Variants in LYSMD4 observed in about 807,000 individuals in gnomAD.
LYSMD4 encodes the protein lysM and putative peptidoglycan-binding domain-containing protein 4.
A neutral mutation model predicts 6.1 loss-of-function variants in LYSMD4; 9 were observed. The observed-to-expected ratio is 1.47, with a 90% CI of 0.88 to 2.56. The LOEUF (loss-of-function observed/expected upper bound fraction) is 2.56. Ranked by LOEUF, LYSMD4 falls within the 30% of genes most tolerant of loss-of-function variation. The pLI, the probability that LYSMD4 is intolerant of heterozygous loss-of-function variation, is 0.00. For synonymous variants in LYSMD4, 143 were observed against 148.5 expected (o/e 0.96, Z 0.27); for missense variants, 384 against 373.5 (o/e 1.03, Z -0.23).
In LYSMD4 at chr15:99,729,208, C is replaced by T. The variant is rs1270983162; in HGVS notation, c.806G>A (p.Gly269Glu). Residue 269 changes from glycine (G) to glutamate (E), a missense_variant, in exon 3 of 3, where the codon GGG becomes GAG. Coordinates refer to ENST00000684762, the MANE Select transcript of LYSMD4 (RefSeq NM_001284417.2). ...TGCAACTGCTAGTCTGGGGGCTTGC[C>T]CTGGAACTGTACCCATTGCCATCGA... ...NGSMAMGTVP[G>E]QAPRLAVAVP... 1.2e-6 allele frequency: 2 copies of T among 1,614,044 alleles called. No individual in the cohort carries two copies. Among genetic ancestry groups the T allele is most frequent in the Non-Finnish European group, 8.5e-7 (1 of 1,180,042 alleles).
chr15:99,731,450 T>C, intron 2 of LYSMD4: 1 of 1,605,610 alleles, frequency 6.2e-7, no homozygotes, highest in Non-Finnish European at 8.5e-7. Flanking sequence ...GGTTTCAGAA[T>C]TTCAGTGTGG....
At chr15:99,719,048 A>G (rs560035990), upstream of LYSMD4, among the ~76,000 whole-genome samples, 1 of 152,308 alleles carries the variant, frequency 6.6e-6, no homozygotes, top group South Asian at 2.1e-4. Flanking sequence ...CCCAGCTCTT[A>G]TTATCTACAG....
At chr15:99,730,885 G>A (rs1360582243) in intron 2 of LYSMD4, among the ~76,000 whole-genome samples, 3 of 152,160 alleles carry the variant, frequency 2.0e-5, no homozygotes, top group Admixed American at 1.3e-4. Context: ...GCCTGCAGAA[G>A]CTGCTTATCG....
At chr15:99,727,046 C>A (rs1354332070), downstream of LYSMD4, among the ~76,000 whole-genome samples, 1 of 152,126 alleles carries the variant, frequency 6.6e-6, no homozygotes, top group Admixed American at 6.5e-5. Context: ...AGCAGCATCC[C>A]ACATCTTTTA....
In LYSMD4 at chr15:99,733,326, C is replaced by T. The variant is rs2059471156; in HGVS notation, c.-9+19G>A. 1 of 392,328 alleles carries T rather than the reference C, an allele frequency of 2.5e-6. No individual in the cohort carries two copies. The highest frequency in any genetic ancestry group is 1.3e-4 in the South Asian group (1 of 7,824). The allele number at this position is 392,328 out of a possible 1,614,324, so 24.3% of individuals were successfully genotyped here. A position where few individuals can be genotyped will look rare whatever the true frequency, so the allele number is the denominator to read the frequency against. ...GGCTCCCTAGCCAGACCGCGGCCCCCTCGTCCAGGCCCCGGTACCTCAGCG... is the reference window on the plus strand; with the variant it reads ...GGCTCCCTAGCCAGACCGCGGCCCCTTCGTCCAGGCCCCGGTACCTCAGCG... On this transcript the variant is annotated intron_variant, in intron 1 of 2. Transcript: ENST00000684762.
upstream of LYSMD4, among the ~76,000 whole-genome samples, chr15:99,720,371 A>G (rs1329781235): frequency 6.6e-6 from 1 of 152,162 alleles, no homozygotes; most frequent in Non-Finnish European, 1.5e-5. Context: ...CCATAATCCC[A>G]GCACTTTGGG....
Position 99,729,152 on chromosome 15 carries a change from A to G in LYSMD4, c.862T>C (p.Phe288Leu). 6.2e-7 allele frequency: 1 copy of G among 1,614,030 alleles called. No homozygotes were observed. Among genetic ancestry groups the G allele is most frequent in the Middle Eastern group, 1.6e-4 (1 of 6,062 alleles). ...VPAVTSADSQ[F>L]SQTTQAGS is the part of the protein sequence containing the mutation. ...CTCCCCGCTTGGGTGGTCTGACTGAACTGGCTGTCTGCAGAAGTGACGGCT... is the reference window on the plus strand; with the variant it reads ...CTCCCCGCTTGGGTGGTCTGACTGAGCTGGCTGTCTGCAGAAGTGACGGCT... The change falls in exon 3 of 3, where the codon TTC (phenylalanine) becomes CTC (leucine). Residue 288 changes from phenylalanine (F) to leucine (L), a missense_variant. Coordinates refer to ENST00000684762, the MANE Select transcript of LYSMD4 (RefSeq NM_001284417.2).
Position 99,729,391 on chromosome 15 carries a change from G to A in LYSMD4, c.623C>T (p.Pro208Leu), listed in dbSNP as rs147293942. The change falls in exon 3 of 3, where the codon CCT (proline) becomes CTT (leucine). Residue 208 changes from proline to leucine, a missense_variant. Pro to Leu is a moderately conservative substitution (Grantham distance 98). Coordinates refer to ENST00000684762, the MANE Select transcript of LYSMD4 (RefSeq NM_001284417.2). ...QPLLPAPPKTPMDGADCGIQW... is the reference protein window; with the variant it reads ...QPLLPAPPKTLMDGADCGIQW... ...AATGCCACAATCTGCACCATCCATA[G>A]GCGTCTTCGGAGGTGCCGGGAGCAG... is the stretch of plus-strand genomic sequence containing the variant. 4.3e-4 allele frequency: 695 copies of A among 1,614,246 alleles called. 2 individuals are homozygous for A. The African/African-American group carries it at 5.0e-3, about 12-fold the overall frequency.
chr15:99,725,332 C>T (rs964354567), downstream of LYSMD4, among the ~76,000 whole-genome samples: 2 of 152,210 alleles, frequency 1.3e-5, no homozygotes, highest in Admixed American at 6.5e-5. Context: ...ACCATAACAG[C>T]TATAGATCAT....
chr15:99,716,799 C>T (rs905648127), exon 1 of LYSMD4: 6 of 401,214 alleles, frequency 1.5e-5, no homozygotes, highest in Admixed American at 6.0e-5. Flanking sequence ...GGAATCCATT[C>T]GGCCTCCAGT....
chr15:99,719,205 A>G (rs768031522), upstream of LYSMD4, among the ~76,000 whole-genome samples: 1 of 152,186 alleles, frequency 6.6e-6, no homozygotes, highest in African/African-American at 2.4e-5. Flanking sequence ...CAGTCAAGAC[A>G]GTGGTTTCCA....
Position 99,729,167 on chromosome 15 carries a change from A to G in LYSMD4, c.847T>C (p.Ser283Pro), listed in dbSNP as rs1239762876. The G allele has an allele frequency of 6.2e-7, 1 of 1,614,210 alleles. No individual in the cohort carries two copies. The highest frequency in any genetic ancestry group is 2.2e-5 in the East Asian group (1 of 44,886). Reference sequence around the variant, plus strand: ...GTCTGACTGAACTGGCTGTCTGCAGAAGTGACGGCTGGCACTGCAACTGCT... The same window carrying G: ...GTCTGACTGAACTGGCTGTCTGCAGGAGTGACGGCTGGCACTGCAACTGCT... The part of the protein sequence containing the change: ...RLAVAVPAVT[S>P]ADSQFSQTTQ... The change falls in exon 3 of 3, where the codon TCT becomes CCT. Residue 283 changes from serine to proline, a missense_variant. By Grantham distance (74) the Ser-to-Pro change is moderately conservative. Transcript: ENST00000684762.
At chr15:99,719,192 A>C (rs1384849495), upstream of LYSMD4, among the ~76,000 whole-genome samples, 1 of 152,148 alleles carries the variant, frequency 6.6e-6, no homozygotes, top group African/African-American at 2.4e-5. Flanking sequence ...GCCTTACACT[A>C]TCCAGTCAAG....
At chr15:99,721,056 A>C (rs1261137260), upstream of LYSMD4, 1 of 152,066 alleles carries the variant, frequency 6.6e-6, no homozygotes, top group Admixed American at 6.6e-5. Context: ...TGTCTAAGAC[A>C]CTAAGGTTCA....
upstream of LYSMD4, among the ~76,000 whole-genome samples, chr15:99,719,266 C>T (rs1275706593): frequency 6.6e-6 from 1 of 152,182 alleles, no homozygotes; most frequent in Non-Finnish European, 1.5e-5. Flanking sequence ...CTATTTGTAA[C>T]ATGGTTAGCT....
In LYSMD4 at chr15:99,729,569, G is replaced by A. The variant is rs1186497649; in HGVS notation, c.445C>T (p.Leu149=). The change falls in exon 3 of 3, where the codon CTG becomes TTG. Residue 149 remains leucine (L), a synonymous_variant. Coordinates refer to ENST00000684762, the MANE Select transcript of LYSMD4 (RefSeq NM_001284417.2). ...GCGCCTGCTCTGTCTGCCTCTGGCA[G>A]TTCCACGGTCACTGTGGTCTCGGAA... The part of the protein sequence containing the change: ...PSSETTVTVE[L]PEADRAGAGT... 3.7e-6 allele frequency: 6 copies of A among 1,614,186 alleles called. No individual in the cohort carries two copies. Among genetic ancestry groups the A allele is most frequent in the Middle Eastern group, 1.6e-4 (1 of 6,062 alleles).
chr15:99,733,040 T>C (rs2059458752), intron 1 of LYSMD4: 2 of 291,804 alleles, frequency 6.9e-6, no homozygotes, highest in African/African-American at 2.2e-5. Flanking sequence ...TGCGAAAAGA[T>C]GGGGCACCTC....
rs898351272 is a variant in LYSMD4 at position 99,727,867 on chromosome 15, C to G, written c.*1256G>C. 6.6e-6 allele frequency: 1 copy of G among 152,540 alleles called. No individual in the cohort carries two copies. The highest frequency in any genetic ancestry group is 6.5e-5 in the Admixed American group (1 of 15,290). 9.4% of individuals were successfully genotyped at this position (152,540 alleles called of 1,614,324 possible). On this transcript the variant is annotated 3_prime_UTR_variant, in exon 3 of 3. Coordinates refer to ENST00000684762, the MANE Select transcript of LYSMD4 (RefSeq NM_001284417.2). Reference sequence around the variant, plus strand: ...CCTCCTGTCCAGAACTCTTGGAGGCCGGGCCAGCAGCCATCTCAGCCCCTC... The same window carrying G: ...CCTCCTGTCCAGAACTCTTGGAGGCGGGGCCAGCAGCCATCTCAGCCCCTC...
At chr15:99,724,830 T>G (rs550458344), downstream of LYSMD4, among the ~76,000 whole-genome samples, 23 of 152,306 alleles carry the variant, frequency 1.5e-4, no homozygotes, top group Middle Eastern at 6.8e-3. Context: ...TCTGTGCAAG[T>G]TTTGAGCAGG....
Sources: allele counts gnomAD v4.1 joint callset (sites outside exome capture counted in the v4.1 genomes callset), GRCh38; gene constraint gnomAD v4.1.1; transcripts MANE v1.5; gene names NCBI Gene and HGNC (gene_info 2026-07-23, HGNC 2026-07-21).